The following FRK variants were observed in gnomAD, a reference collection of about 807,000 sequenced individuals.
FRK encodes the protein fyn related Src family tyrosine kinase.
In FRK, 51 loss-of-function variants were observed where a neutral mutation model predicts 56.4. That is an observed-to-expected ratio of 0.90 (90% CI 0.72 to 1.14). The LOEUF (loss-of-function observed/expected upper bound fraction) is 1.14. FRK is among the 50% of genes most tolerant of loss of function. The pLI, the probability that FRK is intolerant of heterozygous loss-of-function variation, is 0.00. For synonymous variants in FRK, 245 were observed against 217.9 expected, an observed-to-expected ratio of 1.12 and a Z score of -1.10; for missense variants, 570 against 601.4, an observed-to-expected ratio of 0.95 and a Z score of 0.55.
chr6:115,943,169 A>C lies in FRK; in HGVS notation c.1157T>G (p.Ile386Ser). 3.7e-6 allele frequency: 6 copies of C among 1,610,292 alleles called. No individual in the cohort carries two copies. Among genetic ancestry groups the C allele is most frequent in the Non-Finnish European group, 5.1e-6 (6 of 1,178,600 alleles). The change falls in exon 7 of 8, where the codon ATC (isoleucine) becomes AGC (serine). Residue 386 changes from isoleucine (I) to serine (S), a missense_variant. Physicochemically the swap from Ile to Ser is moderately radical, Grantham distance 142 (BLOSUM62 -2). Coordinates refer to ENST00000606080, the MANE Select transcript of FRK (RefSeq NM_002031.3). ...CTTTATTTCGTGTCTAGATTCATAG[A>C]TGTCTTCATTATCTACCTGTTCATG... ...ARVFKVDNED[I>S]YESRHEIKLP... is the part of the protein sequence containing the mutation.
intron 2 of FRK, among the ~76,000 whole-genome samples, chr6:116,003,487 A>G (rs1775138531): frequency 6.6e-6 from 1 of 152,214 alleles, no homozygotes; most frequent in Non-Finnish European, 1.5e-5. Context: ...TTTATGTTTA[A>G]CCAGCAAAGA....
intron 1 of FRK, among the ~76,000 whole-genome samples, chr6:116,016,251 G>A (rs1442042687): frequency 6.6e-6 from 1 of 152,152 alleles, no homozygotes; most frequent in East Asian, 1.9e-4. Flanking sequence ...AGCTCCAGCT[G>A]TGGCTAAAGG....
intron 4 of FRK, among the ~76,000 whole-genome samples, chr6:115,958,768 A>AGAGAAAGAAAGAAAGAAAGAG (rs1773193815): frequency 1.2e-5 from 1 of 80,700 alleles, no homozygotes; most frequent in African/African-American, 5.3e-5. Flanking sequence ...AGAAAGAAAG[A>AGAGAAAGAAAGAAAGAAAGAG]GGGGGGGGAA....
chr6:116,083,954 C>T, the FRK span, among the ~76,000 whole-genome samples: 654 of 152,116 alleles, frequency 4.3e-3, 6 homozygotes, highest in African/African-American at 0.015. Context: ...AGCCACAGTG[C>T]TTAGCCCTAA....
At chr6:116,048,519 G>A (rs551503040) in intron 1 of FRK, among the ~76,000 whole-genome samples, 5 of 152,224 alleles carry the variant, frequency 3.3e-5, no homozygotes, top group South Asian at 2.1e-4. Context: ...TGAGTAGCTG[G>A]GATTACAGGC....
intron 2 of FRK, among the ~76,000 whole-genome samples, chr6:115,977,289 T>A (rs1222146266): frequency 6.6e-6 from 1 of 152,178 alleles, no homozygotes; most frequent in East Asian, 1.9e-4. Context: ...AGAAAGTACA[T>A]CTGTCTAAAT....
chr6:116,070,639 AT>A, the FRK span, among the ~76,000 whole-genome samples: 1 of 152,140 alleles, frequency 6.6e-6, no homozygotes. Flanking sequence ...TCCAATCAGT[AT>A]TTTCCAATTA....
At chr6:116,092,716 C>T in the FRK span, among the ~76,000 whole-genome samples, 30 of 152,296 alleles carry the variant, frequency 2.0e-4, no homozygotes, top group African/African-American at 6.0e-4. Context: ...TCTGCTGCTG[C>T]GTCGGTGAGT....
At chr6:115,958,716 A>AAAGAAAGAAGGAAGGAAGG (rs1773166734) in intron 4 of FRK, among the ~76,000 whole-genome samples, 2 of 20,282 alleles carry the variant, frequency 9.9e-5, no homozygotes, top group African/African-American at 4.1e-4. Context: ...AGAAAGAAAG[A>AAAGAAAGAAGGAAGGAAGG]AAGAAAGAAA....
chr6:115,974,763 C>G (rs1773930752), intron 2 of FRK, among the ~76,000 whole-genome samples: 1 of 152,086 alleles, frequency 6.6e-6, no homozygotes, highest in African/African-American at 2.4e-5. Flanking sequence ...AGCTTTTGAA[C>G]CCCATTTGAA....
intron 6 of FRK, 124 bp downstream of exon 6, chr6:115,944,120 G>A (rs772263563): frequency 5.9e-6 from 4 of 682,804 alleles, no homozygotes; most frequent in South Asian, 2.5e-5. Context: ...GACTACTGAA[G>A]TAGTTTATGG....
rs535359912 is a variant in FRK at position 116,044,396 on chromosome 6, G to A, written c.344+15572C>T. Among the ~76,000 whole-genome samples the A allele has an allele frequency of 2.4e-4, 37 of 152,232 alleles. No individual in the cohort carries two copies. In the South Asian group the frequency reaches 4.6e-3, roughly 19 times the overall value. On this transcript the variant is annotated intron_variant, in intron 1 of 7. Transcript: ENST00000606080. ...AAAAGTTATCCACCATAATCAAGTC[G>A]GTTTCATCCTTCGGATGCAAGGCTT...
the FRK span, among the ~76,000 whole-genome samples, chr6:116,093,362 C>G: frequency 2.6e-5 from 4 of 152,184 alleles, no homozygotes; most frequent in African/African-American, 9.7e-5. Context: ...TAAAGCAGAT[C>G]AAGGTAGACC....
At chr6:116,078,068 G>A in the FRK span, among the ~76,000 whole-genome samples, 20 of 152,200 alleles carry the variant, frequency 1.3e-4, no homozygotes, top group African/African-American at 4.8e-4. Context: ...GCTGAGGCAG[G>A]AGAATTGCTT....
chr6:116,096,035 C>G, the FRK span, among the ~76,000 whole-genome samples: 1 of 152,214 alleles, frequency 6.6e-6, no homozygotes, highest in Non-Finnish European at 1.5e-5. Flanking sequence ...CCTTCAGGCC[C>G]TTTATTTTTA....
chr6:115,940,014 A>C lies in FRK; in HGVS notation c.*2400T>G, dbSNP rs1672801477. 6.6e-6 allele frequency: 1 copy of C among 152,270 alleles called. No homozygotes were observed. Among genetic ancestry groups the C allele is most frequent in the South Asian group, 2.1e-4 (1 of 4,830 alleles). The allele number at this position is 152,270 out of a possible 1,614,324, so 9.4% of individuals were successfully genotyped here. On this transcript the variant is annotated 3_prime_UTR_variant, in exon 8 of 8. Transcript: ENST00000606080. The stretch of plus-strand genomic sequence containing the variant: ...CATATGGAATCAAAAAAGAGCCCGC[A>C]TAGCCAAGACAATTCTAAGCAAAAA...
chr6:116,011,622 A>G (rs1046577406), intron 1 of FRK, among the ~76,000 whole-genome samples: 3 of 152,150 alleles, frequency 2.0e-5, no homozygotes, highest in African/African-American at 2.4e-5. Flanking sequence ...ACAGTTACAC[A>G]TGTTATAATG....
rs1772211910 is a variant in FRK at position 115,942,179 on chromosome 6, T to C, written c.*235A>G. On this transcript the variant is annotated 3_prime_UTR_variant, in exon 8 of 8. Transcript: ENST00000606080. ...TAAAAAGAAAAATAACTTGGTTTAG[T>C]GTGCTTAATTTTACCAGGCAGTGAG... 7.2e-6 allele frequency: 3 copies of C among 416,390 alleles called. No homozygotes were observed. Among genetic ancestry groups the C allele is most frequent in the Middle Eastern group, 1.4e-3 (2 of 1,428 alleles). The allele number at this position is 416,390 out of a possible 1,614,324, so 25.8% of individuals were successfully genotyped here.
Position 116,025,114 on chromosome 6 carries a change from A to T in FRK, c.345-21116T>A, listed in dbSNP as rs562054837. ...GAGAGGGCTTTAAAGCAAAGAATAG[A>T]AAGAATTGCAGGCCCCATGAAAGGA... On this transcript the variant is annotated intron_variant, in intron 1 of 7. Coordinates refer to ENST00000606080, the MANE Select transcript of FRK (RefSeq NM_002031.3). 4.6e-5 allele frequency among the ~76,000 whole-genome samples: 7 copies of T among 152,232 alleles called. No homozygotes were observed. In the East Asian group the frequency reaches 1.4e-3, roughly 29 times the overall value.
Sources: gnomAD v4.1 joint callset for allele counts (sites outside exome capture counted in the v4.1 genomes callset) on GRCh38, gnomAD v4.1.1 for gene constraint, MANE v1.5 for transcripts, NCBI Gene and HGNC (gene_info 2026-07-23, HGNC 2026-07-21) for gene names.